Variants in ACBD6 observed in about 807,000 individuals in gnomAD.
The protein encoded by ACBD6 is acyl-CoA binding domain containing 6, also known as acyl-CoA-binding domain-containing protein 6.
ACBD6 carries 28 observed loss-of-function variants against 37.2 expected under a neutral mutation model. The observed-to-expected ratio is 0.75, with a 90% confidence interval of 0.56 to 1.03. The LOEUF is 1.03. ACBD6 is among the 50% of genes least tolerant of loss of function. ACBD6 has a pLI of 0.00. For synonymous variants in ACBD6, 113 were observed against 126.8 expected (o/e 0.89, Z 0.73); for missense variants, 340 against 337.4 (o/e 1.01, Z -0.06).
At chr1:180,301,989 G>A (rs915726768) in intron 7 of ACBD6, among the ~76,000 whole-genome samples, 1 of 150,050 alleles carries the variant, frequency 6.7e-6, no homozygotes, top group Non-Finnish European at 1.5e-5. Flanking sequence ...AACGGTCTGT[G>A]TTTGAGTGTA....
chr1:180,302,574 T>C (rs1333803717), intron 7 of ACBD6, among the ~76,000 whole-genome samples: 1 of 152,188 alleles, frequency 6.6e-6, no homozygotes, highest in Non-Finnish European at 1.5e-5. Flanking sequence ...GCTTGGTAGA[T>C]CTTCCTTCAT....
chr1:180,422,162 C>T (rs1237414958), intron 4 of ACBD6, among the ~76,000 whole-genome samples: 3 of 152,042 alleles, frequency 2.0e-5, no homozygotes, highest in Non-Finnish European at 4.4e-5. Context: ...GGTTCTTGTA[C>T]TTGCCAGTGT....
At chr1:180,369,684 A>C (rs1653182582) in intron 6 of ACBD6, among the ~76,000 whole-genome samples, 2 of 152,194 alleles carry the variant, frequency 1.3e-5, no homozygotes, top group South Asian at 4.1e-4. Context: ...CATGAAACAA[A>C]ATCAGTCCAT....
intron 3 of ACBD6, among the ~76,000 whole-genome samples, chr1:180,465,779 G>A (rs1005762619): frequency 6.6e-6 from 1 of 152,148 alleles, no homozygotes; most frequent in African/African-American, 2.4e-5. Flanking sequence ...ATGAATGACA[G>A]AGGAGATAAA....
At chr1:180,492,783 G>T (rs114078950) in intron 2 of ACBD6, among the ~76,000 whole-genome samples, 1,650 of 152,256 alleles carry the variant, frequency 0.011, 20 homozygotes, top group Non-Finnish European at 0.017. Context: ...TGGTCGTACA[G>T]AAACTAATCA....
chr1:180,316,448 T>C (rs1464880463), intron 6 of ACBD6, among the ~76,000 whole-genome samples: 2 of 152,140 alleles, frequency 1.3e-5, no homozygotes, highest in Admixed American at 6.5e-5. Flanking sequence ...AAGCTTAATC[T>C]ACTGCAATTT....
At chr1:180,408,412 C>T (rs186328790) in intron 5 of ACBD6, among the ~76,000 whole-genome samples, 5 of 152,074 alleles carry the variant, frequency 3.3e-5, no homozygotes, top group Admixed American at 1.3e-4. Context: ...AGTAAACTAT[C>T]GCAAAGACAA....
Position 180,288,515 on chromosome 1 carries a change from A to G in ACBD6, c.697T>C (p.Ser233Pro), listed in dbSNP as rs377751118. 2.5e-6 allele frequency: 4 copies of G among 1,612,792 alleles called. No individual in the cohort carries two copies. Among genetic ancestry groups the G allele is most frequent in the Non-Finnish European group, 3.4e-6 (4 of 1,179,446 alleles). Residue 233 changes from serine to proline, a missense_variant and splice_region_variant, in exon 8 of 8, where the codon TCT (serine) becomes CCT (proline). Coordinates refer to ENST00000367595, the MANE Select transcript of ACBD6 (RefSeq NM_032360.4). ...NEGQTALHYA[S>P]ACEFLDIVEL... ...ACAATATCCAGAAACTCACAGGCAG[A>G]GGCTGAAAGGAAAATTGACAAATAT...
At chr1:180,444,906 G>T (rs1406830534) in intron 3 of ACBD6, among the ~76,000 whole-genome samples, 1 of 152,158 alleles carries the variant, frequency 6.6e-6, no homozygotes, top group Non-Finnish European at 1.5e-5. Flanking sequence ...TTAAAGCCTT[G>T]TGAAACTTTT....
intron 7 of ACBD6, among the ~76,000 whole-genome samples, chr1:180,307,553 T>C (rs902837254): frequency 6.6e-6 from 1 of 152,196 alleles, no homozygotes; most frequent in African/African-American, 2.4e-5. Flanking sequence ...CTTGAGGGAA[T>C]GGACACCCCA....
At chr1:180,382,028 T>C (rs149523698) in intron 6 of ACBD6, among the ~76,000 whole-genome samples, 1 of 147,424 alleles carries the variant, frequency 6.8e-6, no homozygotes, top group African/African-American at 2.5e-5. Flanking sequence ...GGCAGGAAAA[T>C]AGCTTGAACC....
chr1:180,457,330 C>A (rs1218539889), intron 3 of ACBD6, among the ~76,000 whole-genome samples: 1 of 152,174 alleles, frequency 6.6e-6, no homozygotes, highest in Admixed American at 6.5e-5. Context: ...TATGGTAAAT[C>A]CTGCTTACTC....
intron 3 of ACBD6, among the ~76,000 whole-genome samples, chr1:180,448,149 A>T (rs186198717): frequency 6.6e-6 from 1 of 152,342 alleles, no homozygotes. Flanking sequence ...CTAATAAGCT[A>T]ATGGCCCTAA....
At chr1:180,377,541 A>G (rs527668761) in intron 6 of ACBD6, among the ~76,000 whole-genome samples, 1 of 152,346 alleles carries the variant, frequency 6.6e-6, no homozygotes, top group Non-Finnish European at 1.5e-5. Flanking sequence ...GTTCTTCCTT[A>G]TAGAGGGTTC....
chr1:180,413,994 G>A (rs1343960256), intron 4 of ACBD6, among the ~76,000 whole-genome samples: 1 of 152,202 alleles, frequency 6.6e-6, no homozygotes, highest in Non-Finnish European at 1.5e-5. Flanking sequence ...ATAAGAGCTA[G>A]AACTCACTTA....
chr1:180,435,422 T>A (rs1294795676), intron 3 of ACBD6: 1 of 419,808 alleles, frequency 2.4e-6, no homozygotes, highest in Non-Finnish European at 4.3e-6. Context: ...CTAATTTTTT[T>A]TTTTTTTTTT....
chr1:180,367,055 T>G (rs1332481609), intron 6 of ACBD6, among the ~76,000 whole-genome samples: 4 of 152,246 alleles, frequency 2.6e-5, no homozygotes, highest in African/African-American at 9.6e-5. Context: ...GCTACACAGA[T>G]TCCTGTAAGG....
Position 180,430,135 on chromosome 1 carries a change from A to G in ACBD6, c.467+45T>C, listed in dbSNP as rs1553209641. 2.0e-6 allele frequency: 3 copies of G among 1,511,660 alleles called. No individual in the cohort carries two copies. In the East Asian group the frequency reaches 6.8e-5, roughly 34 times the overall value. 93.6% of individuals were successfully genotyped at this position (1,511,660 alleles called of 1,614,324 possible). ...CATACATACAAACACATGCACACAC[A>G]CAGGCATATATATTTCTATTATCAA... On this transcript the variant is annotated intron_variant, in intron 4 of 7. Transcript: ENST00000367595.
At chr1:180,275,073 C>G (rs968323299) in exon 10 of ACBD6, 1 of 153,160 alleles carries the variant, frequency 6.5e-6, no homozygotes, top group African/African-American at 2.4e-5. Context: ...CCCTATATTT[C>G]AAAATGAAAA....
Sources: allele counts gnomAD v4.1 joint callset (sites outside exome capture counted in the v4.1 genomes callset), GRCh38; gene constraint gnomAD v4.1.1; transcripts MANE v1.5; gene names NCBI Gene and HGNC (gene_info 2026-07-23, HGNC 2026-07-21).